GRXCR1: variants seen among roughly 807,000 people sequenced by gnomAD.
GRXCR1 encodes the protein glutaredoxin and cysteine rich domain containing 1, also known as glutaredoxin domain-containing cysteine-rich protein 1.
Under a neutral mutation model 27.3 loss-of-function variants are expected in GRXCR1, and 27 were observed. That is an observed-to-expected ratio of 0.99 (90% confidence interval 0.73 to 1.37). The LOEUF (loss-of-function observed/expected upper bound fraction) is 1.37, where lower values mean the gene tolerates loss of function less well. Among genes scored for constraint, GRXCR1 ranks in the 40% most tolerant of loss-of-function variants. GRXCR1 has a pLI of 0.00. For missense variants in GRXCR1, 379 were observed against 354.4 expected, an observed-to-expected ratio of 1.07 and a Z score of -0.56; for synonymous variants, 122 against 131.1, an observed-to-expected ratio of 0.93 and a Z score of 0.47.
chr4:42,998,634 C>T (rs923349260), intron 2 of GRXCR1, among the ~76,000 whole-genome samples: 5 of 152,088 alleles, frequency 3.3e-5, no homozygotes, highest in East Asian at 1.9e-4. Context: ...GCATTTGGGC[C>T]GACATGCTTG....
rs115452757 is a variant in GRXCR1 at position 43,010,135 on chromosome 4, A to G, written c.628-10219A>G. ...AAGTGAGCAGCTTGCTTTTAAGAGT[A>G]TCATGCCTGTAATCCCAGCACTTTG... On this transcript the variant is annotated intron_variant, in intron 2 of 3. Transcript: ENST00000399770. Among the ~76,000 whole-genome samples the G allele has an allele frequency of 5.1e-3, 778 of 152,138 alleles. 10 individuals carry two copies. The highest frequency in any genetic ancestry group is 0.018 in the African/African-American group (737 of 41,520).
chr4:42,946,714 C>T (rs1747753074), intron 1 of GRXCR1, among the ~76,000 whole-genome samples: 1 of 152,118 alleles, frequency 6.6e-6, no homozygotes, highest in African/African-American at 2.4e-5. Flanking sequence ...TATAAAGGCA[C>T]TAATCCCATT....
rs2109733282 is a variant in GRXCR1 at position 42,893,277 on chromosome 4, G to A, written c.11G>A (p.Arg4Lys). The change falls in exon 1 of 4, where the codon AGG (arginine) becomes AAG (lysine). Residue 4 changes from arginine to lysine, a missense_variant. Transcript: ENST00000399770. ...TGGGTGGAGGTGACCATGCTTAAAAGGGAGATGAAGCCAGAAAGTGACAGG... is the reference window on the plus strand; with the variant it reads ...TGGGTGGAGGTGACCATGCTTAAAAAGGAGATGAAGCCAGAAAGTGACAGG... MLK[R>K]EMKPESDRPR... is the part of the protein sequence containing the mutation. 1 of 1,613,604 alleles carries A rather than the reference G, an allele frequency of 6.2e-7. No homozygotes were observed. The highest frequency in any genetic ancestry group is 8.5e-7 in the Non-Finnish European group (1 of 1,179,710).
chr4:42,983,599 A>T (rs576389829), intron 2 of GRXCR1, among the ~76,000 whole-genome samples: 128 of 152,048 alleles, frequency 8.4e-4, no homozygotes, highest in African/African-American at 3.0e-3. Flanking sequence ...GAAGAAAGTC[A>T]TTGGTAGCTT....
intron 1 of GRXCR1, among the ~76,000 whole-genome samples, 156 bp downstream of exon 1, chr4:42,893,806 A>T (rs753249931): frequency 6.6e-6 from 1 of 152,212 alleles, no homozygotes; most frequent in Non-Finnish European, 1.5e-5. Flanking sequence ...ACAGCTATCA[A>T]TTAAAAACTG....
intron 2 of GRXCR1, among the ~76,000 whole-genome samples, chr4:43,013,346 T>C (rs972689081): frequency 6.6e-6 from 1 of 152,202 alleles, no homozygotes; most frequent in Admixed American, 6.5e-5. Flanking sequence ...TAGATGCTGC[T>C]GAGGGCCATT....
At chr4:42,969,641 A>C (rs1193019734) in intron 2 of GRXCR1, among the ~76,000 whole-genome samples, 2 of 152,106 alleles carry the variant, frequency 1.3e-5, no homozygotes, top group Non-Finnish European at 2.9e-5. Flanking sequence ...TCATGAGAAC[A>C]ACAACGGGGA....
chr4:42,917,816 A>C (rs1297005781), intron 1 of GRXCR1, among the ~76,000 whole-genome samples: 2 of 152,082 alleles, frequency 1.3e-5, no homozygotes, highest in Non-Finnish European at 2.9e-5. Context: ...TAGACAATTA[A>C]AGTGAGAGAG....
chr4:42,922,265 G>C (rs1285242417), intron 1 of GRXCR1, among the ~76,000 whole-genome samples: 1 of 152,064 alleles, frequency 6.6e-6, no homozygotes, highest in Non-Finnish European at 1.5e-5. Flanking sequence ...CTGCCTCCTG[G>C]TCTGTCTGTG....
chr4:42,893,663 T>G lies in GRXCR1; in HGVS notation c.384+13T>G. On this transcript the variant is annotated intron_variant, in intron 1 of 3. Coordinates refer to ENST00000399770, the MANE Select transcript of GRXCR1 (RefSeq NM_001080476.3). ...CAAAGTATTACAGGTAAGTCATTGC[T>G]GTTTCCTTCTCCTGCTCTTTGTTCC... 1 of 1,610,844 alleles carries G rather than the reference T, an allele frequency of 6.2e-7. No homozygotes were observed. The highest frequency in any genetic ancestry group is 8.5e-7 in the Non-Finnish European group (1 of 1,178,864).
At chr4:42,992,260 A>C (rs1711996642) in intron 2 of GRXCR1, among the ~76,000 whole-genome samples, 1 of 152,164 alleles carries the variant, frequency 6.6e-6, no homozygotes, top group African/African-American at 2.4e-5. Flanking sequence ...AAAGCAGCAA[A>C]TGTTTTTCTT....
Position 42,963,151 on chromosome 4 carries a change from G to T in GRXCR1, c.627+17G>T, listed in dbSNP as rs772537592. The T allele has an allele frequency of 3.2e-5, 51 of 1,611,756 alleles. No individual in the cohort carries two copies. The Admixed American group carries it at 8.4e-4, about 26-fold the overall frequency. On this transcript the variant is annotated intron_variant, in intron 2 of 3. Coordinates refer to ENST00000399770, the MANE Select transcript of GRXCR1 (RefSeq NM_001080476.3). ...TACCTTGGGGTAAGTAAGCTGCCCAGGAAAGTCTTTTTCATAGAACCCAAC... is the reference window on the plus strand; with the variant it reads ...TACCTTGGGGTAAGTAAGCTGCCCATGAAAGTCTTTTTCATAGAACCCAAC...
At chr4:42,946,147 C>G (rs1747739769) in intron 1 of GRXCR1, among the ~76,000 whole-genome samples, 1 of 151,998 alleles carries the variant, frequency 6.6e-6, no homozygotes, top group African/African-American at 2.4e-5. Flanking sequence ...TGATATATAC[C>G]CAGTGGAATA....
intron 3 of GRXCR1, among the ~76,000 whole-genome samples, chr4:43,023,830 GA>G (rs1713169681): frequency 6.6e-6 from 1 of 152,154 alleles, no homozygotes; most frequent in African/African-American, 2.4e-5. Context: ...AAAAGAAAGA[GA>G]AAATTATTAT....
chr4:42,990,593 A>C (rs1711941413), intron 2 of GRXCR1, among the ~76,000 whole-genome samples: 1 of 152,104 alleles, frequency 6.6e-6, no homozygotes, highest in Admixed American at 6.5e-5. Flanking sequence ...GGTAATTTTA[A>C]GTTTTCCCTC....
At chr4:43,028,997 A>G (rs1281538984) in intron 3 of GRXCR1, among the ~76,000 whole-genome samples, 1 of 152,224 alleles carries the variant, frequency 6.6e-6, no homozygotes, top group Non-Finnish European at 1.5e-5. Context: ...AAGTCAAACT[A>G]TAATTGCAAG....
chr4:42,962,749 C>A, intron 1 of GRXCR1, 143 bp from the exon 2 acceptor site: 1 of 864,952 alleles, frequency 1.2e-6, no homozygotes, highest in Non-Finnish European at 1.9e-6. Context: ...GATGTTGTAA[C>A]TTAAAAAGGT....
chr4:42,980,399 G>A lies in GRXCR1; in HGVS notation c.627+17265G>A, dbSNP rs111301911. On this transcript the variant is annotated intron_variant, in intron 2 of 3. Coordinates refer to ENST00000399770, the MANE Select transcript of GRXCR1 (RefSeq NM_001080476.3). ...TTTGTTTTAATTTCTTCATTCAACC[G>A]TTGATTTTTCAGGAATAATTTTTTA... 3.8e-3 allele frequency among the ~76,000 whole-genome samples: 573 copies of A among 151,844 alleles called. 5 individuals are homozygous for A. The highest frequency in any genetic ancestry group is 0.012 in the South Asian group (58 of 4,814).
rs567470726 is a variant in GRXCR1, at chr4:43,013,757, A to T, written c.628-6597A>T. Among the ~76,000 whole-genome samples, 3 of 152,258 alleles carry T rather than the reference A, an allele frequency of 2.0e-5. No homozygotes were observed. The South Asian group carries it at 6.2e-4, about 32-fold the overall frequency. The stretch of plus-strand genomic sequence containing the variant: ...CAGTCTTCTGGTTTTATCTAGATCA[A>T]CTCCCAACACTACCTGTTTTCTAGC... On this transcript the variant is annotated intron_variant, in intron 2 of 3. Coordinates refer to ENST00000399770, the MANE Select transcript of GRXCR1 (RefSeq NM_001080476.3).
Sources: gnomAD v4.1 joint callset for allele counts (sites outside exome capture counted in the v4.1 genomes callset) on GRCh38, gnomAD v4.1.1 for gene constraint, MANE v1.5 for transcripts, NCBI Gene and HGNC (gene_info 2026-07-23, HGNC 2026-07-21) for gene names.